TGM6: variants seen among roughly 807,000 people sequenced by gnomAD.
TGM6 encodes protein-glutamine gamma-glutamyltransferase 6.
In TGM6, 74 loss-of-function variants were observed where a neutral mutation model predicts 77.5. The ratio of observed to expected loss-of-function variants is 0.96; its 90% CI spans 0.79 to 1.16. The LOEUF (loss-of-function observed/expected upper bound fraction) is 1.16, where lower values mean the gene tolerates loss of function less well. TGM6 is among the 50% of genes most tolerant of loss of function. TGM6 has a pLI of 0.00. For synonymous variants in TGM6, 383 were observed against 378.9 expected (o/e 1.01, Z -0.12); for missense variants, 968 against 940.2 (o/e 1.03, Z -0.39).
At chr20:2,424,463 T>C (rs11696420) in intron 10 of TGM6, among the ~76,000 whole-genome samples, 13,942 of 152,232 alleles carry the variant, frequency 0.092, 794 homozygotes, top group East Asian at 0.21. Context: ...TTGTCTTCTG[T>C]AGCTTCCTAA....
intron 9 of TGM6, among the ~76,000 whole-genome samples, chr20:2,406,565 G>T (rs532729848): frequency 6.6e-6 from 1 of 151,560 alleles, no homozygotes; most frequent in Non-Finnish European, 1.5e-5. Context: ...GCTGGGTGCA[G>T]TGGCTCACAC....
intron 6 of TGM6, among the ~76,000 whole-genome samples, chr20:2,399,949 C>T (rs2084695062): frequency 6.6e-6 from 1 of 152,188 alleles, no homozygotes; most frequent in Middle Eastern, 3.2e-3. Context: ...CTCCCTCTGT[C>T]TCTCATTCAT....
chr20:2,397,825 C>G, intron 4 of TGM6, 93 bp from the exon 5 acceptor site: 9 of 1,608,724 alleles, frequency 5.6e-6, no homozygotes, highest in Non-Finnish European at 6.0e-6. Flanking sequence ...CTGCCCTGCA[C>G]AGATGGGGTG....
intron 1 of TGM6, among the ~76,000 whole-genome samples, chr20:2,381,297 C>T (rs2084553032): frequency 6.6e-6 from 1 of 152,240 alleles, no homozygotes; most frequent in South Asian, 2.1e-4. Flanking sequence ...TCTCCTTGCA[C>T]CCCATGCACA....
At chr20:2,396,453 G>C (rs2084667902) in intron 3 of TGM6, 53 bp from the exon 4 acceptor site, 2 of 1,581,124 alleles carry the variant, frequency 1.3e-6, no homozygotes, top group East Asian at 2.2e-5. Flanking sequence ...CCCTTCCCCA[G>C]GCCAGCAAGG....
chr20:2,391,333 G>C (rs1482177433), intron 1 of TGM6, among the ~76,000 whole-genome samples: 2 of 152,116 alleles, frequency 1.3e-5, no homozygotes, highest in Non-Finnish European at 2.9e-5. Flanking sequence ...GATGAACTCT[G>C]GTGGCAGGGC....
Position 2,430,886 on chromosome 20 carries a change from C to T in TGM6, c.1834-8C>T. 6.2e-7 allele frequency: 1 copy of T among 1,614,090 alleles called. No homozygotes were observed. Among genetic ancestry groups the T allele is most frequent in the Non-Finnish European group, 8.5e-7 (1 of 1,180,024 alleles). ...GGCGCGATGGCTCATGGGTGTTGTCCCCTTCAGGTTCTGGGCCCAGCCATG... is the reference window on the plus strand; with the variant it reads ...GGCGCGATGGCTCATGGGTGTTGTCTCCTTCAGGTTCTGGGCCCAGCCATG... On this transcript the variant is annotated splice_polypyrimidine_tract_variant and splice_region_variant and intron_variant, in intron 11 of 12. Transcript: ENST00000202625.
intron 10 of TGM6, among the ~76,000 whole-genome samples, chr20:2,426,099 T>G (rs910290257): frequency 6.6e-6 from 1 of 152,174 alleles, no homozygotes; most frequent in Non-Finnish European, 1.5e-5. Flanking sequence ...TAGGAAAAAT[T>G]GACATTTTGA....
chr20:2,396,299 G>C (rs532547966), intron 3 of TGM6, among the ~76,000 whole-genome samples: 7 of 152,288 alleles, frequency 4.6e-5, no homozygotes, highest in African/African-American at 1.7e-4. Flanking sequence ...AACTCTTTTG[G>C]GATTGGTCCC....
intron 10 of TGM6, among the ~76,000 whole-genome samples, chr20:2,426,797 G>A (rs1021078321): frequency 6.6e-6 from 1 of 152,036 alleles, no homozygotes; most frequent in African/African-American, 2.4e-5. Context: ...CTGTTGATTT[G>A]ATGGACTATA....
intron 10 of TGM6, among the ~76,000 whole-genome samples, chr20:2,423,979 G>A (rs1431361143): frequency 1.3e-5 from 2 of 152,198 alleles, no homozygotes; most frequent in African/African-American, 4.8e-5. Context: ...TTTCTGATCA[G>A]TAGGTCTCAA....
At position 2,396,813 on chromosome 20, in the gene TGM6, G is replaced by C. The variant is rs530069582; in HGVS notation, c.543+189G>C. ...GGCCTGCACTGGGTCCTGGGGAAGG[G>C]GAGGTGCTTTGGACAAGGTTTGGAC... is the stretch of plus-strand genomic sequence containing the variant. On this transcript the variant is annotated intron_variant, in intron 4 of 12. Coordinates refer to ENST00000202625, the MANE Select transcript of TGM6 (RefSeq NM_198994.3). Among the ~76,000 whole-genome samples the C allele has an allele frequency of 2.6e-5, 4 of 152,266 alleles. No individual in the cohort carries two copies. The South Asian group carries it at 8.3e-4, about 32-fold the overall frequency.
intron 8 of TGM6, 32 bp downstream of exon 8, chr20:2,403,532 C>T (rs371729931): frequency 5.6e-6 from 9 of 1,614,032 alleles, no homozygotes; most frequent in African/African-American, 4.0e-5. Context: ...AAGTTCCAGA[C>T]CCCTGCTTTT....
At chr20:2,397,819 C>G in intron 4 of TGM6, 99 bp from the exon 5 acceptor site, 1 of 1,604,902 alleles carries the variant, frequency 6.2e-7, no homozygotes, top group South Asian at 1.1e-5. Flanking sequence ...AGCAAACTGC[C>G]CTGCACAGAT....
At chr20:2,428,495 C>G (rs1011550794) in intron 10 of TGM6, among the ~76,000 whole-genome samples, 1 of 152,192 alleles carries the variant, frequency 6.6e-6, no homozygotes, top group South Asian at 2.1e-4. Flanking sequence ...CTAACAAGTT[C>G]CCAGGTGACG....
At chr20:2,430,341 G>A (rs967164572) in intron 10 of TGM6, 105 bp from the exon 11 acceptor site, 2 of 1,448,756 alleles carry the variant, frequency 1.4e-6, no homozygotes, top group African/African-American at 1.4e-5. Context: ...ATGGTTGCAA[G>A]GACCAGAGAG....
At chr20:2,394,649 C>G in intron 2 of TGM6, 24 bp downstream of exon 2, 1 of 1,595,438 alleles carries the variant, frequency 6.3e-7, no homozygotes, top group South Asian at 1.1e-5. Flanking sequence ...CCAGCACCCT[C>G]TTCTCGTCTG....
At chr20:2,402,195 T>C (rs1422265324) in intron 7 of TGM6, among the ~76,000 whole-genome samples, 1 of 152,118 alleles carries the variant, frequency 6.6e-6, no homozygotes, top group Non-Finnish European at 1.5e-5. Flanking sequence ...TAAGCCAAGA[T>C]TGTGCCATTG....
chr20:2,396,837 A>G (rs1268491679), intron 4 of TGM6, among the ~76,000 whole-genome samples: 1 of 152,156 alleles, frequency 6.6e-6, no homozygotes, highest in Non-Finnish European at 1.5e-5. Context: ...CAAGGTTTGG[A>G]CACAGAACAG....
Sources: gnomAD v4.1 joint callset for allele counts (sites outside exome capture counted in the v4.1 genomes callset) on GRCh38, gnomAD v4.1.1 for gene constraint, MANE v1.5 for transcripts, NCBI Gene and HGNC (gene_info 2026-07-23, HGNC 2026-07-21) for gene names.